Variants in NDUFAF6 observed in about 807,000 individuals in gnomAD.
NDUFAF6 encodes the protein NADH:ubiquinone oxidoreductase complex assembly factor 6, also known as NADH dehydrogenase (ubiquinone) complex I, assembly factor 6.
In NDUFAF6, 45 loss-of-function variants were observed where a neutral mutation model predicts 40.8. The observed-to-expected ratio is 1.10, with a 90% CI of 0.87 to 1.42. The LOEUF is 1.42. Among genes scored for constraint, NDUFAF6 ranks in the 40% most tolerant of loss-of-function variants. NDUFAF6 has a pLI of 0.00. For synonymous variants in NDUFAF6, 185 were observed against 155.9 expected, an observed-to-expected ratio of 1.19 and a Z score of -1.39; for missense variants, 435 against 418.5, an observed-to-expected ratio of 1.04 and a Z score of -0.34.
At chr8:94,969,138 T>A (rs546448449) in intron 1 of NDUFAF6, among the ~76,000 whole-genome samples, 1 of 152,244 alleles carries the variant, frequency 6.6e-6, no homozygotes, top group Admixed American at 6.5e-5. Context: ...CAGGATCAAA[T>A]TGCCATTTAA....
chr8:95,083,518 C>T (rs147115001), intron 2 of NDUFAF6, among the ~76,000 whole-genome samples: 7 of 152,328 alleles, frequency 4.6e-5, no homozygotes, highest in African/African-American at 1.4e-4. Context: ...TTAAGCTTTA[C>T]TGTGCTATGG....
At chr8:95,021,827 T>C (rs1827703284), upstream of NDUFAF6, among the ~76,000 whole-genome samples, 3 of 152,166 alleles carry the variant, frequency 2.0e-5, no homozygotes, top group African/African-American at 7.2e-5. Flanking sequence ...GTCCTGAAAA[T>C]CCTTGATTTG....
At chr8:95,103,926 C>T (rs1410423169), downstream of NDUFAF6, among the ~76,000 whole-genome samples, 2 of 152,194 alleles carry the variant, frequency 1.3e-5, no homozygotes, top group African/African-American at 4.8e-5. Context: ...TTTAACTACC[C>T]ACTTGGGGGA....
chr8:95,046,430 A>G (rs1830777676), intron 5 of NDUFAF6, among the ~76,000 whole-genome samples: 1 of 152,182 alleles, frequency 6.6e-6, no homozygotes, highest in South Asian at 2.1e-4. Flanking sequence ...TTCTTCTCTG[A>G]CTTTGTTGCC....
intron 9 of NDUFAF6, among the ~76,000 whole-genome samples, chr8:95,069,826 T>TAA (rs1377255638): frequency 9.0e-5 from 13 of 145,184 alleles, no homozygotes; most frequent in Non-Finnish European, 1.8e-4. Flanking sequence ...TATATATATA[T>TAA]AATATATATG....
Position 95,075,633 on chromosome 8 carries a change from G to T in NDUFAF6, c.*512G>T, listed in dbSNP as rs561984326. ...TAAGTGTCCTCTTTCCTCTCTGCAG[G>T]AAATTAAGGATGCAGACACTCAGGG... On this transcript the variant is annotated splice_region_variant and 3_prime_UTR_variant and NMD_transcript_variant, in exon 10 of 10. Transcript: ENST00000520757. 6.8e-5 allele frequency: 87 copies of T among 1,288,422 alleles called. No individual in the cohort carries two copies. In the South Asian group the frequency reaches 1.0e-3, roughly 15 times the overall value. The allele number at this position is 1,288,422 out of a possible 1,614,324, so 79.8% of individuals were successfully genotyped here.
chr8:94,902,111 A>C (rs769185502), intron 1 of NDUFAF6, among the ~76,000 whole-genome samples: 3 of 152,122 alleles, frequency 2.0e-5, no homozygotes, highest in African/African-American at 4.8e-5. Flanking sequence ...CATGCCTAGC[A>C]TTAACAGTTC....
chr8:95,017,772 G>T (rs1563791345), intron 2 of NDUFAF6, among the ~76,000 whole-genome samples: 1 of 151,870 alleles, frequency 6.6e-6, no homozygotes, highest in African/African-American at 2.4e-5. Context: ...TTTACTGTGG[G>T]TTTTTTTTGT....
At chr8:94,955,143 C>T (rs1000669888), upstream of NDUFAF6, among the ~76,000 whole-genome samples, 9 of 152,178 alleles carry the variant, frequency 5.9e-5, no homozygotes, top group East Asian at 1.7e-3. Flanking sequence ...AGGTGCCTGG[C>T]ACATGTAGGT....
chr8:94,931,268 TCTA>T (rs1397541170), intron 1 of NDUFAF6, among the ~76,000 whole-genome samples: 6 of 152,160 alleles, frequency 3.9e-5, no homozygotes, highest in African/African-American at 1.4e-4. Context: ...ATATGGAAAT[TCTA>T]CTCATTTGCC....
chr8:95,006,152 G>A (rs1251653254), intron 2 of NDUFAF6, among the ~76,000 whole-genome samples: 2 of 152,032 alleles, frequency 1.3e-5, no homozygotes, highest in East Asian at 1.9e-4. Context: ...GAGGTCAGGA[G>A]TTTGAGACCA....
At chr8:95,033,679 AG>A (rs1401698405) in intron 2 of NDUFAF6, among the ~76,000 whole-genome samples, 12 of 152,214 alleles carry the variant, frequency 7.9e-5, no homozygotes, top group African/African-American at 2.9e-4. Flanking sequence ...GATGGTTAGG[AG>A]AAACCTCACG....
At chr8:95,040,425 T>G (rs1830025048) in intron 3 of NDUFAF6, among the ~76,000 whole-genome samples, 1 of 152,242 alleles carries the variant, frequency 6.6e-6, no homozygotes, top group Non-Finnish European at 1.5e-5. Context: ...TGAGGAGACA[T>G]TTTAAGACTG....
chr8:94,978,246 T>C (rs1043233185), intron 1 of NDUFAF6, among the ~76,000 whole-genome samples: 14 of 152,152 alleles, frequency 9.2e-5, no homozygotes, highest in African/African-American at 3.4e-4. Context: ...ATCATGCCGA[T>C]GTGATGAAGC....
At position 95,048,554 on chromosome 8, in the gene NDUFAF6, A is replaced by G. The variant is rs762531393; in HGVS notation, c.812A>G (p.Lys271Arg). Residue 271 changes from lysine (K) to arginine (R), a missense_variant, in exon 7 of 9, where the codon AAG becomes AGG. Coordinates refer to ENST00000396124, the MANE Select transcript of NDUFAF6 (RefSeq NM_152416.4). ...DIASQAHLHL[K>R]HARSFHKTVP... ...GCCAGTCAAGCACACTTGCACCTAA[A>G]GCATGTAAGTCGGCTTTTTTTTGCC... 4 of 1,613,486 alleles carry G rather than the reference A, an allele frequency of 2.5e-6. No homozygotes were observed. The highest frequency in any genetic ancestry group is 3.4e-6 in the Non-Finnish European group (4 of 1,179,374).
At chr8:95,043,071 G>A (rs927788144) in intron 4 of NDUFAF6, among the ~76,000 whole-genome samples, 1 of 151,004 alleles carries the variant, frequency 6.6e-6, no homozygotes, top group African/African-American at 2.4e-5. Context: ...TGACTTTTAG[G>A]TTAGGCAGTG....
At chr8:95,031,086 C>G (rs1477975137) in intron 1 of NDUFAF6, among the ~76,000 whole-genome samples, 1 of 152,230 alleles carries the variant, frequency 6.6e-6, no homozygotes, top group Admixed American at 6.5e-5. Flanking sequence ...GCCCCACCTC[C>G]AACATTGTGG....
At chr8:95,111,083 G>A (rs1809988222) in intron 4 of NDUFAF6, among the ~76,000 whole-genome samples, 2 of 152,172 alleles carry the variant, frequency 1.3e-5, no homozygotes, top group African/African-American at 4.8e-5. Context: ...CTTAATGACA[G>A]GGGAGCCGAG....
intron 1 of NDUFAF6, among the ~76,000 whole-genome samples, chr8:94,903,012 T>C (rs1033779138): frequency 6.6e-6 from 1 of 152,100 alleles, no homozygotes; most frequent in African/African-American, 2.4e-5. Context: ...TGTATTCATT[T>C]CTTTTGAACA....
Sources: allele counts gnomAD v4.1 joint callset (sites outside exome capture counted in the v4.1 genomes callset), GRCh38; gene constraint gnomAD v4.1.1; transcripts MANE v1.5; gene names NCBI Gene and HGNC (gene_info 2026-07-23, HGNC 2026-07-21).